The following COL22A1 variants were observed in gnomAD, a reference collection of about 807,000 sequenced individuals.
The protein encoded by COL22A1 is collagen alpha-1(XXII) chain.
Under a neutral mutation model 248.9 loss-of-function variants are expected in COL22A1, and 221 were observed. The ratio of observed to expected loss-of-function variants is 0.89; its 90% confidence interval spans 0.80 to 0.99. COL22A1 has a LOEUF of 0.99. COL22A1 is among the 50% of genes least tolerant of loss of function. The pLI, the probability that COL22A1 is intolerant of heterozygous loss-of-function variation, is 0.00. For missense variants in COL22A1, 2,240 were observed against 2,179.0 expected, an observed-to-expected ratio of 1.03 and a Z score of -0.56; for synonymous variants, 891 against 793.4, an observed-to-expected ratio of 1.12 and a Z score of -2.07.
chr8:138,693,244 T>C (rs188764786), intron 35 of COL22A1, among the ~76,000 whole-genome samples: 1 of 151,760 alleles, frequency 6.6e-6, no homozygotes, highest in African/African-American at 2.4e-5. Flanking sequence ...ATCTGTGTGT[T>C]TGGGGCTGTG....
chr8:138,892,132 G>C lies in COL22A1; in HGVS notation c.-72-8888C>G, dbSNP rs143871261. On this transcript the variant is annotated intron_variant, in intron 1 of 64. Coordinates refer to ENST00000303045, the MANE Select transcript of COL22A1 (RefSeq NM_152888.3). ...GTCCTCATTTGGTTTTGGTATTAGG[G>C]CCATGCTGGTCTCATAGAATGAGTT... 6.3e-3 allele frequency among the ~76,000 whole-genome samples: 959 copies of C among 152,302 alleles called. 9 individuals carry two copies. Among genetic ancestry groups the C allele is most frequent in the African/African-American group, 0.022 (906 of 41,568 alleles).
intron 39 of COL22A1, among the ~76,000 whole-genome samples, chr8:138,683,277 A>G (rs1410627724): frequency 6.6e-6 from 1 of 152,226 alleles, no homozygotes; most frequent in Non-Finnish European, 1.5e-5. Context: ...TGCAGTATAT[A>G]AAGTAATGAA....
chr8:138,593,062 T>C lies in COL22A1; in HGVS notation c.4615+955A>G, dbSNP rs538558926. ...ATAAAAAAGAATGAGTTCATGTCCT[T>C]TGCAGGAACACGGATGAAGATGGAA... On this transcript the variant is annotated intron_variant, in intron 63 of 64. Transcript: ENST00000303045. Among the ~76,000 whole-genome samples, 19 of 152,274 alleles carry C rather than the reference T, an allele frequency of 1.2e-4. No individual in the cohort carries two copies. In the East Asian group the frequency reaches 2.9e-3, roughly 23 times the overall value.
chr8:138,714,853 G>T (rs1360563083), intron 30 of COL22A1, among the ~76,000 whole-genome samples: 1 of 152,110 alleles, frequency 6.6e-6, no homozygotes, highest in Non-Finnish European at 1.5e-5. Flanking sequence ...GCAATGACAC[G>T]CTGGGCTCAT....
At chr8:138,822,088 A>G (rs2131758471) in intron 6 of COL22A1, among the ~76,000 whole-genome samples, 1 of 152,218 alleles carries the variant, frequency 6.6e-6, no homozygotes, top group Admixed American at 6.5e-5. Context: ...TCTGTTGCCC[A>G]GGCTGGAGTG....
intron 60 of COL22A1, among the ~76,000 whole-genome samples, chr8:138,601,365 C>T (rs996295896): frequency 2.0e-5 from 3 of 152,054 alleles, no homozygotes; most frequent in Non-Finnish European, 4.4e-5. Flanking sequence ...CCAGCCGGCT[C>T]CCCACCCACC....
intron 64 of COL22A1, among the ~76,000 whole-genome samples, chr8:138,590,207 T>C (rs966428108): frequency 5.3e-5 from 8 of 152,224 alleles, no homozygotes; most frequent in Non-Finnish European, 1.0e-4. Flanking sequence ...CCTTCTTATG[T>C]CTTAGTAATC....
chr8:138,907,508 G>A (rs1815119218), intron 1 of COL22A1, among the ~76,000 whole-genome samples: 1 of 152,188 alleles, frequency 6.6e-6, no homozygotes, highest in Non-Finnish European at 1.5e-5. Flanking sequence ...ATTTGTTGAT[G>A]CAAATTAATC....
chr8:138,886,841 G>A (rs965978760), intron 1 of COL22A1, among the ~76,000 whole-genome samples: 23 of 152,166 alleles, frequency 1.5e-4, no homozygotes, highest in Admixed American at 1.0e-3. Context: ...ACCTCAGGTC[G>A]CAGGCTGTTC....
chr8:138,856,919 C>T (rs1822073998), intron 3 of COL22A1, among the ~76,000 whole-genome samples: 1 of 152,126 alleles, frequency 6.6e-6, no homozygotes, highest in Non-Finnish European at 1.5e-5. Flanking sequence ...TGCTCCCCTG[C>T]CCTTTTGGTG....
At chr8:138,819,231 C>T (rs1026882903) in intron 7 of COL22A1, among the ~76,000 whole-genome samples, 8 of 152,238 alleles carry the variant, frequency 5.3e-5, no homozygotes, top group Non-Finnish European at 1.5e-5. Context: ...ACTCATTTTT[C>T]CTTATGGTTT....
chr8:138,770,046 T>G (rs754725120), intron 16 of COL22A1, among the ~76,000 whole-genome samples: 15 of 152,150 alleles, frequency 9.9e-5, no homozygotes, highest in Non-Finnish European at 2.2e-4. Flanking sequence ...AGTATGGACA[T>G]GGAGGCCAGA....
At chr8:138,764,980 T>C (rs897797604) in intron 16 of COL22A1, among the ~76,000 whole-genome samples, 6 of 152,064 alleles carry the variant, frequency 3.9e-5, no homozygotes, top group African/African-American at 1.2e-4. Flanking sequence ...GTAATAAAAA[T>C]AAAAAGTCTT....
Position 138,646,676 on chromosome 8 carries a change from C to G in COL22A1, c.3454G>C (p.Ala1152Pro). Residue 1152 changes from alanine to proline, a missense_variant, in exon 47 of 65, where the codon GCT (alanine) becomes CCT (proline). Transcript: ENST00000303045. ...GGCCCTGGTAGGCCTGGAGGCCCAG[C>G]CTCTCCCTGTATCAGGGATACAAGA... ...REGTEGKKGEAGPPGLPGPPG... is the reference protein window; with the variant it reads ...REGTEGKKGEPGPPGLPGPPG... The G allele has an allele frequency of 6.3e-7, 1 of 1,579,126 alleles. No homozygotes were observed.
chr8:138,726,421 T>C (rs1745822647), intron 23 of COL22A1, among the ~76,000 whole-genome samples: 1 of 148,408 alleles, frequency 6.7e-6, no homozygotes, highest in African/African-American at 2.5e-5. Context: ...TGTTTGAGAC[T>C]GGGAGTTTGA....
intron 56 of COL22A1, among the ~76,000 whole-genome samples, chr8:138,612,560 G>A (rs909141380): frequency 9.2e-5 from 14 of 152,206 alleles, no homozygotes; most frequent in African/African-American, 3.4e-4. Context: ...CATTGTAAAG[G>A]TAATTAGTTA....
intron 36 of COL22A1, among the ~76,000 whole-genome samples, chr8:138,689,582 G>T (rs1826656801): frequency 6.6e-6 from 1 of 152,140 alleles, no homozygotes; most frequent in African/African-American, 2.4e-5. Flanking sequence ...GGGCATGGAG[G>T]CACGCCCCTG....
chr8:138,808,334 T>G (rs1440992226), intron 9 of COL22A1, among the ~76,000 whole-genome samples: 1 of 152,190 alleles, frequency 6.6e-6, no homozygotes, highest in Non-Finnish European at 1.5e-5. Flanking sequence ...ATATATGCAA[T>G]TATATAGTTT....
chr8:138,855,913 T>G (rs1821971983), intron 3 of COL22A1, among the ~76,000 whole-genome samples: 1 of 152,192 alleles, frequency 6.6e-6, no homozygotes, highest in South Asian at 2.1e-4. Flanking sequence ...GCCCTGGCCT[T>G]CCCTGCTGTG....
Sources: gnomAD v4.1 joint callset for allele counts (sites outside exome capture counted in the v4.1 genomes callset) on GRCh38, gnomAD v4.1.1 for gene constraint, MANE v1.5 for transcripts, NCBI Gene and HGNC (gene_info 2026-07-23, HGNC 2026-07-21) for gene names.